Variants in KLHDC10 observed in about 807,000 individuals in gnomAD.
The protein encoded by KLHDC10 is kelch domain containing 10.
A neutral mutation model predicts 56.1 loss-of-function variants in KLHDC10; 24 were observed. The observed-to-expected ratio is 0.43, with a 90% CI of 0.31 to 0.60. The LOEUF (loss-of-function observed/expected upper bound fraction) is 0.60. Ranked by LOEUF, KLHDC10 falls within the 20% of genes least tolerant of loss-of-function variation. The pLI is 0.11. For missense variants in KLHDC10, 349 were observed against 567.0 expected (o/e 0.62, Z 3.91); for synonymous variants, 188 against 207.1 (o/e 0.91, Z 0.79).
Position 130,116,712 on chromosome 7 carries a change from G to C in KLHDC10, c.475+46G>C. The C allele has an allele frequency of 1.4e-6, 2 of 1,465,482 alleles. No homozygotes were observed. Among genetic ancestry groups the C allele is most frequent in the Non-Finnish European group, 1.9e-6 (2 of 1,046,038 alleles). The allele number at this position is 1,465,482 out of a possible 1,614,324, so 90.8% of individuals were successfully genotyped here. On this transcript the variant is annotated intron_variant, in intron 3 of 9. Coordinates refer to ENST00000335420, the MANE Select transcript of KLHDC10 (RefSeq NM_014997.4). The surrounding 1 kb of genome is among the most constrained non-coding windows in gnomAD (Gnocchi z 4.8). The stretch of plus-strand genomic sequence containing the variant: ...ACTCCTGACTTTATGAAATGTCTGA[G>C]AAGCCAGGTTCAATGTCCCATATTC...
At chr7:130,093,116 AT>A (rs1195006218) in intron 1 of KLHDC10, among the ~76,000 whole-genome samples, 3 of 151,722 alleles carry the variant, frequency 2.0e-5, no homozygotes, top group Non-Finnish European at 2.9e-5. Context: ...ACTATGTTAT[AT>A]TTATAGTGAA....
intron 1 of KLHDC10, among the ~76,000 whole-genome samples, chr7:130,096,370 C>T (rs115243399): frequency 5.2e-4 from 79 of 152,180 alleles, no homozygotes; most frequent in African/African-American, 1.8e-3. Flanking sequence ...CTCCCTTCCC[C>T]CATGGAAGTG....
At chr7:130,115,163 T>G (rs773068252) in intron 2 of KLHDC10, among the ~76,000 whole-genome samples, 1 of 152,212 alleles carries the variant, frequency 6.6e-6, no homozygotes, top group Admixed American at 6.5e-5. Flanking sequence ...ATAACATGTT[T>G]ATTAGGTGTC....
chr7:130,088,479 T>C (rs1795722925), intron 1 of KLHDC10, among the ~76,000 whole-genome samples: 1 of 151,878 alleles, frequency 6.6e-6, no homozygotes, highest in Non-Finnish European at 1.5e-5. Flanking sequence ...TTTTACCATG[T>C]TGGCCAGGCT....
intron 7 of KLHDC10, 104 bp from the exon 8 acceptor site, chr7:130,127,300 G>C: frequency 5.7e-6 from 5 of 882,070 alleles, no homozygotes; most frequent in Non-Finnish European, 9.5e-6. Flanking sequence ...TGTAACAAAG[G>C]GATTGTTTTG....
chr7:130,118,781 G>A (rs1223182211), intron 3 of KLHDC10, among the ~76,000 whole-genome samples: 1 of 152,176 alleles, frequency 6.6e-6, no homozygotes, highest in Admixed American at 6.5e-5. Flanking sequence ...CAGGGAATAG[G>A]GAGGCCTGAG....
At chr7:130,108,180 A>G (rs993414983) in intron 2 of KLHDC10, among the ~76,000 whole-genome samples, 2 of 152,086 alleles carry the variant, frequency 1.3e-5, no homozygotes, top group African/African-American at 4.8e-5. Flanking sequence ...GTGAGCCGAA[A>G]TCGCGCCACT....
intron 2 of KLHDC10, among the ~76,000 whole-genome samples, chr7:130,114,840 C>T (rs1323906710): frequency 1.3e-5 from 2 of 151,566 alleles, no homozygotes; most frequent in East Asian, 3.9e-4. Context: ...GTAGACTAGG[C>T]CAAGGTGTAA....
rs1796230326 is a variant in KLHDC10, at chr7:130,120,204, G to C, written c.476-545G>C. 6.6e-6 allele frequency among the ~76,000 whole-genome samples: 1 copy of C among 152,182 alleles called. No homozygotes were observed. Among genetic ancestry groups the C allele is most frequent in the Non-Finnish European group, 1.5e-5 (1 of 68,036 alleles). On this transcript the variant is annotated intron_variant, in intron 3 of 9. Transcript: ENST00000335420. The surrounding 1 kb of genome is among the most constrained non-coding windows in gnomAD (Gnocchi z 5.1). ...TTTTTCTCTGCTTTGCTGCATGCTT[G>C]AACTGTCTTCAGCAGCAGTGGTATA...
chr7:130,086,333 C>A (rs1795689783), intron 1 of KLHDC10, among the ~76,000 whole-genome samples: 1 of 152,138 alleles, frequency 6.6e-6, no homozygotes, highest in Admixed American at 6.6e-5. Context: ...GTATGATTTC[C>A]TGTGATTGAA....
intron 5 of KLHDC10, among the ~76,000 whole-genome samples, chr7:130,123,838 A>G (rs1301782006): frequency 6.6e-6 from 1 of 152,226 alleles, no homozygotes; most frequent in Non-Finnish European, 1.5e-5. Context: ...TTATGGACAT[A>G]TCATAAATTA....
Position 130,070,620 on chromosome 7 carries a change from G to A in KLHDC10, c.-24G>A. ...GCTGGGTCAGGCGCTGACGGGACCG[G>A]GCTGCGGCAATCGTTAGCGGGTCAT... On this transcript the variant is annotated 5_prime_UTR_variant, in exon 1 of 10. Transcript: ENST00000335420. The A allele has an allele frequency of 7.6e-7, 1 of 1,315,482 alleles. No individual in the cohort carries two copies. The highest frequency in any genetic ancestry group is 9.7e-7 in the Non-Finnish European group (1 of 1,027,478). 81.5% of individuals were successfully genotyped at this position (1,315,482 alleles called of 1,614,324 possible).
intron 8 of KLHDC10, among the ~76,000 whole-genome samples, chr7:130,129,066 C>T (rs79006014): frequency 0.026 from 4,000 of 151,616 alleles, 181 homozygotes; most frequent in African/African-American, 0.092. Context: ...GCATAGCTGT[C>T]GCCTCTTTTA....
At chr7:130,076,853 C>A (rs1057069685) in intron 1 of KLHDC10, among the ~76,000 whole-genome samples, 1 of 152,116 alleles carries the variant, frequency 6.6e-6, no homozygotes, top group South Asian at 2.1e-4. Flanking sequence ...TGGTTATCAT[C>A]TTCCCTCATT....
chr7:130,078,013 A>C (rs745658006), intron 1 of KLHDC10, among the ~76,000 whole-genome samples: 3 of 152,116 alleles, frequency 2.0e-5, no homozygotes, highest in Non-Finnish European at 2.9e-5. Flanking sequence ...GGTATAGCTA[A>C]ATAATCATAT....
intron 1 of KLHDC10, among the ~76,000 whole-genome samples, chr7:130,091,111 GT>G (rs1301143203): frequency 1.3e-5 from 2 of 152,056 alleles, no homozygotes; most frequent in Non-Finnish European, 2.9e-5. Flanking sequence ...TTGCTTCCAT[GT>G]TTTGGCTATT....
intron 3 of KLHDC10, among the ~76,000 whole-genome samples, chr7:130,119,200 T>C: frequency 9.8e-6 from 1 of 102,006 alleles, no homozygotes; most frequent in African/African-American, 3.7e-5. Flanking sequence ...ACAGCAAGAC[T>C]CCAACTCAAA....
intron 2 of KLHDC10, among the ~76,000 whole-genome samples, chr7:130,103,348 C>T (rs1157353926): frequency 6.6e-6 from 1 of 151,410 alleles, no homozygotes; most frequent in Non-Finnish European, 1.5e-5. Context: ...TTGCTTGAAT[C>T]CGGGAGGCAG....
At chr7:130,086,693 TG>T (rs1327430843) in intron 1 of KLHDC10, among the ~76,000 whole-genome samples, 8 of 152,252 alleles carry the variant, frequency 5.3e-5, no homozygotes, top group Non-Finnish European at 1.2e-4. Context: ...TGCTTCTTCA[TG>T]GCTGAAAGTA....
Sources: allele counts gnomAD v4.1 joint callset (sites outside exome capture counted in the v4.1 genomes callset), GRCh38; gene constraint gnomAD v4.1.1; non-coding constraint Gnocchi (gnomAD v3.1); transcripts MANE v1.5; gene names NCBI Gene and HGNC (gene_info 2026-07-23, HGNC 2026-07-21).